ATXN1: variants seen among roughly 807,000 people sequenced by gnomAD.
ATXN1 encodes ataxin-1.
In ATXN1, 8 loss-of-function variants were observed where a neutral mutation model predicts 56.4. That is an observed-to-expected ratio of 0.14 (90% CI 0.08 to 0.26). The LOEUF (loss-of-function observed/expected upper bound fraction) is 0.26. ATXN1 is among the 10% of genes least tolerant of loss of function. The probability of loss-of-function intolerance (pLI) is 1.00; values close to 1 mark genes in which losing one functional copy is unlikely to be tolerated. For missense variants in ATXN1, 987 were observed against 1,106.5 expected, an observed-to-expected ratio of 0.89 and a Z score of 1.53; for synonymous variants, 514 against 494.6, an observed-to-expected ratio of 1.04 and a Z score of -0.52.
intron 3 of ATXN1, among the ~76,000 whole-genome samples, chr6:16,595,199 A>AG (rs1462576427): frequency 2.6e-5 from 4 of 152,216 alleles, no homozygotes. Context: ...GATGGGGGGA[A>AG]GGCTTAGCTT....
At chr6:16,709,497 G>A (rs1759479473) in intron 2 of ATXN1, among the ~76,000 whole-genome samples, 1 of 151,910 alleles carries the variant, frequency 6.6e-6, no homozygotes, top group African/African-American at 2.4e-5. Context: ...CTCTACACAT[G>A]TTAAAATGCA....
intron 2 of ATXN1, among the ~76,000 whole-genome samples, chr6:16,730,010 C>T (rs1172527172): frequency 6.6e-6 from 1 of 152,206 alleles, no homozygotes; most frequent in Non-Finnish European, 1.5e-5. Flanking sequence ...TGGCCAAGCG[C>T]GATGGCGCAC....
chr6:16,704,337 C>T (rs898222275), intron 2 of ATXN1, among the ~76,000 whole-genome samples: 1 of 152,114 alleles, frequency 6.6e-6, no homozygotes, highest in Non-Finnish European at 1.5e-5. Flanking sequence ...CCCTTTCCCC[C>T]CAAGATTGAC....
chr6:16,505,834 A>G (rs1457943320), intron 5 of ATXN1, among the ~76,000 whole-genome samples: 1 of 152,204 alleles, frequency 6.6e-6, no homozygotes, highest in Admixed American at 6.5e-5. Flanking sequence ...TAAACACTTA[A>G]GTAATTTTAG....
Position 16,357,595 on chromosome 6 carries a change from C to T in ATXN1, c.-160-29125G>A, listed in dbSNP as rs532906534. 2.0e-5 allele frequency among the ~76,000 whole-genome samples: 3 copies of T among 152,248 alleles called. No individual in the cohort carries two copies. In the South Asian group the frequency reaches 6.2e-4, roughly 32 times the overall value. The stretch of plus-strand genomic sequence containing the variant: ...AAGACATTTTAATTAAATGCTTAAC[C>T]GAGTCCAGAATTTGATCTTTCTAAC... On this transcript the variant is annotated intron_variant, in intron 6 of 7. Coordinates refer to ENST00000436367, the MANE Select transcript of ATXN1 (RefSeq NM_001128164.2).
chr6:16,710,771 A>G (rs1759506850), intron 2 of ATXN1, among the ~76,000 whole-genome samples: 1 of 151,722 alleles, frequency 6.6e-6, no homozygotes, highest in Non-Finnish European at 1.5e-5. Context: ...TATTTTTAGT[A>G]GAGATGGGGT....
At chr6:16,573,700 G>A (rs1217938241) in intron 4 of ATXN1, among the ~76,000 whole-genome samples, 1 of 152,110 alleles carries the variant, frequency 6.6e-6, no homozygotes, top group Non-Finnish European at 1.5e-5. Flanking sequence ...CCAATCTCCA[G>A]CAATGCACAT....
chr6:16,727,262 A>G (rs1314755918), intron 2 of ATXN1, among the ~76,000 whole-genome samples: 1 of 152,222 alleles, frequency 6.6e-6, no homozygotes, highest in Non-Finnish European at 1.5e-5. Flanking sequence ...TAGATGTATT[A>G]AATATAATAA....
chr6:16,636,469 C>A (rs1207064548), intron 3 of ATXN1, among the ~76,000 whole-genome samples: 1 of 152,210 alleles, frequency 6.6e-6, no homozygotes, highest in Non-Finnish European at 1.5e-5. Context: ...GGGACAGGCC[C>A]TCATGTCTTG....
intron 6 of ATXN1, among the ~76,000 whole-genome samples, chr6:16,382,283 G>A (rs1457659890): frequency 6.7e-6 from 1 of 150,096 alleles, no homozygotes; most frequent in Non-Finnish European, 1.5e-5. Context: ...CTGGGCAACA[G>A]AGCGAGATTC....
In ATXN1 at chr6:16,363,960, T is replaced by G. The variant is rs1761865396; in HGVS notation, c.-160-35490A>C. On this transcript the variant is annotated intron_variant, in intron 6 of 7. Transcript: ENST00000436367. ...CTAAAATTGCTGAGTCAGTGGGAATTTCTCAGGGAATCCATGTTCCGCTGG... is the reference window on the plus strand; with the variant it reads ...CTAAAATTGCTGAGTCAGTGGGAATGTCTCAGGGAATCCATGTTCCGCTGG... Among the ~76,000 whole-genome samples the G allele has an allele frequency of 2.0e-5, 3 of 152,234 alleles. No homozygotes were observed. In the South Asian group the frequency reaches 6.2e-4, roughly 32 times the overall value.
intron 5 of ATXN1, among the ~76,000 whole-genome samples, chr6:16,488,533 G>A (rs762414518): frequency 1.3e-5 from 2 of 152,144 alleles, no homozygotes; most frequent in Non-Finnish European, 2.9e-5. Flanking sequence ...TAAAAGCAGT[G>A]GAAATGTCAT....
chr6:16,497,015 G>A (rs956581823), intron 5 of ATXN1, among the ~76,000 whole-genome samples: 6 of 152,076 alleles, frequency 3.9e-5, no homozygotes, highest in Non-Finnish European at 8.8e-5. Flanking sequence ...CTGCTTAATT[G>A]TTTTGTCGAA....
Position 16,326,561 on chromosome 6 carries a change from T to G in ATXN1, c.1750A>C (p.Asn584His). 6.2e-7 allele frequency: 1 copy of G among 1,614,182 alleles called. No homozygotes were observed. Among genetic ancestry groups the G allele is most frequent in the Non-Finnish European group, 8.5e-7 (1 of 1,180,034 alleles). The change falls in exon 7 of 8, where the codon AAC becomes CAC. Residue 584 changes from asparagine (N) to histidine (H), a missense_variant. Physicochemically the swap from Asn to His is moderately conservative, Grantham distance 68. Around this residue, in one of 3 missense-constraint regions of ATXN1, gnomAD observed 68 missense variants for 118.1 expected, o/e 0.58. Transcript: ENST00000436367. The surrounding 1 kb of genome is among the most constrained non-coding windows in gnomAD (Gnocchi z 6.6). Reference protein sequence around the residue: ...FMKGSIIQLANGELKKVEDLK... With the variant: ...FMKGSIIQLAHGELKKVEDLK... ...TCTTCCACCTTCTTTAGCTCCCCGT[T>G]GGCCAACTGGATGATGGAGCCTTTC...
intron 6 of ATXN1, among the ~76,000 whole-genome samples, chr6:16,469,669 G>C (rs1188445177): frequency 6.6e-6 from 1 of 152,174 alleles, no homozygotes; most frequent in African/African-American, 2.4e-5. Context: ...AGACGTGAAA[G>C]AGAGTTGGTG....
chr6:16,734,075 G>A (rs1488012217), intron 2 of ATXN1, among the ~76,000 whole-genome samples: 3 of 152,072 alleles, frequency 2.0e-5, no homozygotes, highest in Non-Finnish European at 2.9e-5. Flanking sequence ...CTAGGCAACC[G>A]ACAGAGTGAG....
intron 6 of ATXN1, among the ~76,000 whole-genome samples, chr6:16,371,661 T>TCC (rs1033356771): frequency 9.9e-5 from 15 of 152,182 alleles, no homozygotes; most frequent in African/African-American, 3.6e-4. Flanking sequence ...CAAGTGATCC[T>TCC]CCCATCTCAG....
intron 6 of ATXN1, among the ~76,000 whole-genome samples, chr6:16,345,856 C>T (rs1761373361): frequency 6.6e-6 from 1 of 152,168 alleles, no homozygotes; most frequent in South Asian, 2.1e-4. Flanking sequence ...ACATTAAGGA[C>T]ACTGAATGAG....
chr6:16,646,124 G>A (rs2113825740), intron 3 of ATXN1, among the ~76,000 whole-genome samples: 1 of 152,262 alleles, frequency 6.6e-6, no homozygotes, highest in East Asian at 1.9e-4. Flanking sequence ...TGGGAAGTTG[G>A]GGTGGGAGGA....
Sources: allele counts gnomAD v4.1 joint callset (sites outside exome capture counted in the v4.1 genomes callset), GRCh38; gene constraint gnomAD v4.1.1; regional missense constraint gnomAD v4.1.1; non-coding constraint Gnocchi (gnomAD v3.1); transcripts MANE v1.5; gene names NCBI Gene and HGNC (gene_info 2026-07-23, HGNC 2026-07-21).